The following SLC35F4 variants were observed in gnomAD, a reference collection of about 807,000 sequenced individuals.
The protein encoded by SLC35F4 is solute carrier family 35 member F4, also known as chromosome 14 open reading frame 36.
SLC35F4 carries 24 observed loss-of-function variants against 44.2 expected under a neutral mutation model. The ratio of observed to expected loss-of-function variants is 0.54; its 90% CI spans 0.39 to 0.76. The LOEUF is 0.76. Among genes scored for constraint, SLC35F4 ranks in the 30% least tolerant of loss-of-function variants. The pLI is 0.00. For synonymous variants in SLC35F4, 238 were observed against 223.6 expected (o/e 1.06, Z -0.57); for missense variants, 562 against 586.1 (o/e 0.96, Z 0.42).
intron 1 of SLC35F4, among the ~76,000 whole-genome samples, chr14:57,964,200 A>G (rs931277522): frequency 6.6e-6 from 1 of 152,150 alleles, no homozygotes; most frequent in African/African-American, 2.4e-5. Flanking sequence ...AGGAAGAAAG[A>G]GAGGAAGCTA....
At chr14:57,866,381 C>T (rs1888157955), upstream of SLC35F4, among the ~76,000 whole-genome samples, 1 of 152,006 alleles carries the variant, frequency 6.6e-6, no homozygotes, top group South Asian at 2.1e-4. Flanking sequence ...TGGGGCGCCC[C>T]GGGACTCGGT....
intron 1 of SLC35F4, among the ~76,000 whole-genome samples, chr14:57,880,257 C>G (rs1027052914): frequency 1.3e-5 from 2 of 152,120 alleles, no homozygotes; most frequent in African/African-American, 4.8e-5. Flanking sequence ...CATTTGTTTG[C>G]ATGTAGTAAG....
intron 3 of SLC35F4, among the ~76,000 whole-genome samples, chr14:57,581,649 C>T (rs778451234): frequency 2.0e-5 from 3 of 152,274 alleles, no homozygotes; most frequent in Non-Finnish European, 4.4e-5. Flanking sequence ...CAGAGTTAGG[C>T]TCTCTTCTCT....
rs17093835 is a variant in SLC35F4 at position 57,888,844 on chromosome 14, G to A, written n.282+93069C>T. On this transcript the variant is annotated intron_variant and non_coding_transcript_variant, in intron 1 of 1. Coordinates refer to the SLC35F4 transcript ENST00000556568. ...TATTGCATCAAAGATTAATTTTAAA[G>A]TATCACAAATTTAATAACATCCATA... Among the ~76,000 whole-genome samples, 3,482 of 152,220 alleles carry A rather than the reference G, an allele frequency of 0.023. 431 individuals carry two copies. The East Asian group carries it at 0.4, about 17-fold the overall frequency.
At chr14:57,853,283 A>G (rs955969346) in intron 1 of SLC35F4, among the ~76,000 whole-genome samples, 12 of 152,210 alleles carry the variant, frequency 7.9e-5, no homozygotes, top group Admixed American at 5.9e-4. Context: ...TAAGTTCATT[A>G]CATATTATCT....
chr14:57,808,211 G>A lies in SLC35F4; in HGVS notation c.103+57512C>T, dbSNP rs553168618. Among the ~76,000 whole-genome samples the A allele has an allele frequency of 1.1e-4, 16 of 151,878 alleles. No individual in the cohort carries two copies. In the South Asian group the frequency reaches 1.2e-3, roughly 12 times the overall value. On this transcript the variant is annotated intron_variant, in intron 1 of 7. Transcript: ENST00000556826. Reference sequence around the variant, plus strand: ...TTAATTCTCACAACAATCCTATGAGGTAGGTATTATTATTGCTATAATTTT... The same window carrying A: ...TTAATTCTCACAACAATCCTATGAGATAGGTATTATTATTGCTATAATTTT...
chr14:57,700,407 G>A (rs759371546), intron 1 of SLC35F4, among the ~76,000 whole-genome samples: 10 of 152,176 alleles, frequency 6.6e-5, no homozygotes, highest in Non-Finnish European at 1.2e-4. Flanking sequence ...GTAAGTGGAT[G>A]TGAAGTCCTA....
At chr14:57,666,573 A>G (rs1455027689) in intron 1 of SLC35F4, among the ~76,000 whole-genome samples, 1 of 152,162 alleles carries the variant, frequency 6.6e-6, no homozygotes, top group Non-Finnish European at 1.5e-5. Flanking sequence ...AAGCTATACC[A>G]CAACTCCTGA....
intron 1 of SLC35F4, among the ~76,000 whole-genome samples, chr14:57,838,626 A>C (rs1188815807): frequency 6.6e-6 from 1 of 152,218 alleles, no homozygotes; most frequent in Non-Finnish European, 1.5e-5. Context: ...GCTCAACAAC[A>C]ATAAGAGACA....
intron 1 of SLC35F4, among the ~76,000 whole-genome samples, chr14:57,797,637 A>G (rs2078085526): frequency 6.6e-6 from 1 of 152,150 alleles, no homozygotes; most frequent in Non-Finnish European, 1.5e-5. Context: ...TCTACTGAGG[A>G]AGAAGGGTCC....
intron 1 of SLC35F4, among the ~76,000 whole-genome samples, chr14:57,651,526 A>G (rs897918725): frequency 6.6e-6 from 1 of 152,102 alleles, no homozygotes; most frequent in African/African-American, 2.4e-5. Flanking sequence ...GAGAGTCCTC[A>G]GTTTCCAAAG....
chr14:57,720,979 CATATATATATATATATATATATATAT>C (rs3062932), intron 1 of SLC35F4, among the ~76,000 whole-genome samples: 1 of 49,804 alleles, frequency 2.0e-5, no homozygotes, highest in African/African-American at 6.5e-5. Flanking sequence ...ATAAACTCCT[CATATATATATATATATATATATATAT>C]ATATATATAT....
At chr14:57,579,489 T>G (rs1341684667) in intron 4 of SLC35F4, 1 of 152,168 alleles carries the variant, frequency 6.6e-6, no homozygotes, top group Non-Finnish European at 1.5e-5. Context: ...TTTGCTTTAA[T>G]ACAACGGATT....
At chr14:57,919,370 A>G (rs146572295) in intron 1 of SLC35F4, among the ~76,000 whole-genome samples, 1 of 152,324 alleles carries the variant, frequency 6.6e-6, no homozygotes, top group East Asian at 1.9e-4. Flanking sequence ...GAAGTTTTCT[A>G]ACTTGCGACA....
intron 1 of SLC35F4, among the ~76,000 whole-genome samples, chr14:57,873,476 T>G (rs1888335772): frequency 6.6e-6 from 1 of 152,172 alleles, no homozygotes; most frequent in African/African-American, 2.4e-5. Flanking sequence ...AGAATACACT[T>G]TAGATATTAA....
At chr14:57,731,533 C>T (rs572821593) in intron 1 of SLC35F4, among the ~76,000 whole-genome samples, 2 of 152,244 alleles carry the variant, frequency 1.3e-5, no homozygotes, top group East Asian at 3.9e-4. Flanking sequence ...CAGTGGCAGA[C>T]ATATGGTTGT....
intron 1 of SLC35F4, among the ~76,000 whole-genome samples, chr14:57,738,213 TTTG>T (rs1289156783): frequency 1.6e-4 from 25 of 152,230 alleles, no homozygotes; most frequent in South Asian, 4.1e-4. Flanking sequence ...TGCAAAAACT[TTTG>T]TTGAGTGTCT....
At chr14:57,683,049 A>C (rs994849849) in intron 1 of SLC35F4, among the ~76,000 whole-genome samples, 4 of 149,856 alleles carry the variant, frequency 2.7e-5, no homozygotes, top group Non-Finnish European at 5.9e-5. Context: ...TGTTCTACGG[A>C]AAAAAATTAA....
At chr14:57,738,301 T>C (rs2076515015) in intron 1 of SLC35F4, among the ~76,000 whole-genome samples, 1 of 152,186 alleles carries the variant, frequency 6.6e-6, no homozygotes, top group Non-Finnish European at 1.5e-5. Flanking sequence ...GCCTCTGTCC[T>C]AGGAAGAGAA....
Sources: allele counts gnomAD v4.1 joint callset (sites outside exome capture counted in the v4.1 genomes callset), GRCh38; gene constraint gnomAD v4.1.1; transcripts MANE v1.5; gene names NCBI Gene and HGNC (gene_info 2026-07-23, HGNC 2026-07-21).